The following STAM variants were observed in gnomAD, a reference collection of about 807,000 sequenced individuals.
STAM encodes the protein signal transducing adaptor molecule.
A neutral mutation model predicts 63.4 loss-of-function variants in STAM; 16 were observed. That is an observed-to-expected ratio of 0.25 (90% CI 0.17 to 0.38). STAM has a LOEUF of 0.38. Ranked by LOEUF, STAM falls within the 10% of genes least tolerant of loss-of-function variation. The pLI is 1.00. For synonymous variants in STAM, 238 were observed against 223.9 expected (o/e 1.06, Z -0.56); for missense variants, 636 against 657.1 (o/e 0.97, Z 0.35).
At chr10:17,671,447 C>T (rs1834637618) in intron 2 of STAM, among the ~76,000 whole-genome samples, 1 of 152,208 alleles carries the variant, frequency 6.6e-6, no homozygotes, top group Admixed American at 6.5e-5. Context: ...TAGACATCTC[C>T]TCTTTTACAG....
intron 1 of STAM, among the ~76,000 whole-genome samples, chr10:17,656,894 G>C (rs1356944601): frequency 6.6e-6 from 1 of 152,210 alleles, no homozygotes; most frequent in Non-Finnish European, 1.5e-5. Flanking sequence ...TGAAGAGTAA[G>C]TGCGGTTTTT....
At position 17,669,825 on chromosome 10, in the gene STAM, G is replaced by A. The variant is rs190695180; in HGVS notation, c.125+9277G>A. Reference sequence around the variant, plus strand: ...CCGTTCTCCTGCCTCAGCCTCCCCAGTAGCTGGGACTACAGGCACCCGCCC... The same window carrying A: ...CCGTTCTCCTGCCTCAGCCTCCCCAATAGCTGGGACTACAGGCACCCGCCC... On this transcript the variant is annotated intron_variant, in intron 2 of 13. Coordinates refer to ENST00000377524, the MANE Select transcript of STAM (RefSeq NM_003473.4). 1.7e-3 allele frequency among the ~76,000 whole-genome samples: 256 copies of A among 149,772 alleles called. 5 individuals are homozygous for A. The highest frequency in any genetic ancestry group is 0.012 in the East Asian group (63 of 5,106).
In STAM at chr10:17,706,046, C is replaced by T. The variant is rs1836252348; in HGVS notation, c.1209+305C>T. Among the ~76,000 whole-genome samples, 3 of 152,072 alleles carry T rather than the reference C, an allele frequency of 2.0e-5. No individual in the cohort carries two copies. In the South Asian group the frequency reaches 6.3e-4, roughly 32 times the overall value. On this transcript the variant is annotated intron_variant, in intron 12 of 13. Transcript: ENST00000377524. Reference sequence around the variant, plus strand: ...TCACACCACTGCAGTCTAGCCTGGGCAACAGCGACACCCTGTCTCTAAAAT... The same window carrying T: ...TCACACCACTGCAGTCTAGCCTGGGTAACAGCGACACCCTGTCTCTAAAAT...
chr10:17,670,491 T>G (rs1209620295), intron 2 of STAM, among the ~76,000 whole-genome samples: 3 of 152,198 alleles, frequency 2.0e-5, no homozygotes, highest in Non-Finnish European at 4.4e-5. Context: ...AGGTTAAAAT[T>G]ATGAATCAAG....
In STAM at chr10:17,663,965, A is replaced by T. The variant is rs1834276405; in HGVS notation, c.125+3417A>T. On this transcript the variant is annotated intron_variant, in intron 2 of 13. Coordinates refer to ENST00000377524, the MANE Select transcript of STAM (RefSeq NM_003473.4). ...GTCTTCTTGGGCTCCTCTTTCTATT[A>T]AAAAAATTAAAAATATTTTATGACT... 2.0e-5 allele frequency among the ~76,000 whole-genome samples: 3 copies of T among 151,960 alleles called. No individual in the cohort carries two copies. In the South Asian group the frequency reaches 6.2e-4, roughly 32 times the overall value.
At chr10:17,663,324 G>A (rs1207650031) in intron 2 of STAM, among the ~76,000 whole-genome samples, 1 of 151,672 alleles carries the variant, frequency 6.6e-6, no homozygotes, top group African/African-American at 2.4e-5. Flanking sequence ...GTATCAATAG[G>A]TTTAGACACA....
chr10:17,681,197 CTTTT>C (rs201425906), intron 2 of STAM, among the ~76,000 whole-genome samples: 1 of 123,686 alleles, frequency 8.1e-6, no homozygotes, highest in Non-Finnish European at 1.7e-5. Context: ...TTGAGATCGT[CTTTT>C]TTTTTTTTTT....
At chr10:17,678,401 T>A (rs1834942701) in intron 2 of STAM, among the ~76,000 whole-genome samples, 1 of 152,076 alleles carries the variant, frequency 6.6e-6, no homozygotes, top group Non-Finnish European at 1.5e-5. Context: ...ATGGGGTACA[T>A]GCCACTGTGC....
chr10:17,681,221 A>G (rs1835074545), intron 2 of STAM, among the ~76,000 whole-genome samples: 1 of 127,766 alleles, frequency 7.8e-6, no homozygotes, highest in Admixed American at 8.7e-5. Context: ...TTTTTAATGT[A>G]GGTGCTTATA....
chr10:17,689,016 C>A (rs1259860859), intron 5 of STAM, among the ~76,000 whole-genome samples: 1 of 152,100 alleles, frequency 6.6e-6, no homozygotes, highest in Non-Finnish European at 1.5e-5. Flanking sequence ...TAAGAGCCGA[C>A]CAGTACATAA....
At chr10:17,680,249 A>G (rs1835026715) in intron 2 of STAM, among the ~76,000 whole-genome samples, 1 of 148,788 alleles carries the variant, frequency 6.7e-6, no homozygotes. Flanking sequence ...TCTTAATGGT[A>G]TTAAATACCT....
At chr10:17,700,474 G>A (rs1554828239) in intron 9 of STAM, among the ~76,000 whole-genome samples, 195 bp downstream of exon 9, 1 of 152,034 alleles carries the variant, frequency 6.6e-6, no homozygotes. Flanking sequence ...CCGTGCCAGA[G>A]CCTCATTATT....
chr10:17,683,935 A>G (rs1480067486), intron 2 of STAM, among the ~76,000 whole-genome samples: 3 of 152,140 alleles, frequency 2.0e-5, no homozygotes, highest in African/African-American at 7.2e-5. Context: ...AGAAGTGGTT[A>G]CATTCGTCTG....
At chr10:17,682,717 A>G (rs999003994) in intron 2 of STAM, among the ~76,000 whole-genome samples, 3 of 152,212 alleles carry the variant, frequency 2.0e-5, no homozygotes, top group Non-Finnish European at 2.9e-5. Flanking sequence ...AATGTGTATA[A>G]TGCCATGGGT....
At chr10:17,665,533 C>T (rs556740507) in intron 2 of STAM, among the ~76,000 whole-genome samples, 12 of 151,966 alleles carry the variant, frequency 7.9e-5, no homozygotes, top group South Asian at 2.1e-4. Flanking sequence ...AATTACTTAT[C>T]GTTACTTATT....
At chr10:17,701,022 G>C (rs1045678245) in intron 9 of STAM, among the ~76,000 whole-genome samples, 58 of 152,080 alleles carry the variant, frequency 3.8e-4, no homozygotes, top group African/African-American at 1.4e-3. Context: ...ATATGTCATT[G>C]TCACACCTGA....
At chr10:17,654,396 G>T (rs1016136726) in intron 1 of STAM, among the ~76,000 whole-genome samples, 5 of 151,978 alleles carry the variant, frequency 3.3e-5, no homozygotes, top group Non-Finnish European at 7.4e-5. Flanking sequence ...CTAATTTTTT[G>T]TATTTTTAGT....
Position 17,664,009 on chromosome 10 carries a change from A to G in STAM, c.125+3461A>G, listed in dbSNP as rs190273388. 2.3e-3 allele frequency among the ~76,000 whole-genome samples: 351 copies of G among 152,142 alleles called. 2 individuals carry two copies. The highest frequency in any genetic ancestry group is 8.0e-3 in the African/African-American group (334 of 41,570). On this transcript the variant is annotated intron_variant, in intron 2 of 13. Transcript: ENST00000377524. ...TATGACTACATTGTTTTAAGGAAAAATATATTAGTATTATATATTAAAACA... is the reference window on the plus strand; with the variant it reads ...TATGACTACATTGTTTTAAGGAAAAGTATATTAGTATTATATATTAAAACA...
Position 17,644,175 on chromosome 10 carries a change from T to C in STAM, c.-165T>C. 1.4e-6 allele frequency: 1 copy of C among 706,602 alleles called. No individual in the cohort carries two copies. The allele number at this position is 706,602 out of a possible 1,614,324, so 43.8% of individuals were successfully genotyped here. On this transcript the variant is annotated 5_prime_UTR_variant, in exon 1 of 14. Transcript: ENST00000377524. ...TCCTTGCTGTTGCCGCCGCCGCAGC[T>C]GCTGCCGCGGTTGGTGGGGTTGGGT...
Sources: gnomAD v4.1 joint callset for allele counts (sites outside exome capture counted in the v4.1 genomes callset) on GRCh38, gnomAD v4.1.1 for gene constraint, MANE v1.5 for transcripts, NCBI Gene and HGNC (gene_info 2026-07-23, HGNC 2026-07-21) for gene names.